The following ZNF568 variants were observed in gnomAD, a reference collection of about 807,000 sequenced individuals.
ZNF568 encodes the protein zinc finger protein 568.
In ZNF568, 11 loss-of-function variants were observed where a neutral mutation model predicts 18.1. That is an observed-to-expected ratio of 0.61 (90% CI 0.38 to 1.00). The LOEUF is 1.00. Among genes scored for constraint, ZNF568 ranks in the 50% least tolerant of loss-of-function variants. ZNF568 has a pLI of 0.01. For synonymous variants in ZNF568, 213 were observed against 246.6 expected (o/e 0.86, Z 1.28); for missense variants, 639 against 768.2 (o/e 0.83, Z 1.99).
intron 7 of ZNF568, among the ~76,000 whole-genome samples, chr19:36,975,106 C>T (rs1489441126): frequency 1.3e-5 from 2 of 150,638 alleles, no homozygotes; most frequent in East Asian, 2.0e-4. Context: ...GGATTACAGG[C>T]GAGAGCCATC....
In ZNF568 at chr19:36,950,462, A is replaced by G; in HGVS notation, c.1309A>G (p.Met437Val). Residue 437 changes from methionine (M) to valine (V), a missense_variant, in exon 7 of 7, where the codon ATG (methionine) becomes GTG (valine). Met to Val is a conservative substitution (Grantham distance 21). Coordinates refer to ENST00000333987, the MANE Select transcript of ZNF568 (RefSeq NM_198539.4). Reference protein sequence around the residue: ...FSQSSSLTVHMRNHTAEKPYE... With the variant: ...FSQSSSLTVHVRNHTAEKPYE... ...TCAGAGTTCATCCCTAACCGTACAT[A>G]TGCGAAATCATACAGCTGAGAAACC... The G allele has an allele frequency of 6.2e-7, 1 of 1,612,726 alleles. No homozygotes were observed. Among genetic ancestry groups the G allele is most frequent in the Non-Finnish European group, 8.5e-7 (1 of 1,179,282 alleles).
rs1405903911 is a variant in ZNF568 at position 36,939,539 on chromosome 19, T to C, written c.358+2297T>C. 1.4e-3 allele frequency among the ~76,000 whole-genome samples: 79 copies of C among 55,484 alleles called. 1 individual carries two copies. The highest frequency in any genetic ancestry group is 7.0e-3 in the East Asian group (29 of 4,126). The allele number at this position is 55,484 out of a possible 152,430, so 36.4% of individuals were successfully genotyped here. ...TGAAGATGTATTTTCTTTCTTTTTT[T>C]TTTTTTTTTTTTTTTTTTGAGACGG... On this transcript the variant is annotated intron_variant, in intron 6 of 6. Coordinates refer to ENST00000333987, the MANE Select transcript of ZNF568 (RefSeq NM_198539.4).
At chr19:36,928,797 A>G (rs1354123171) in intron 4 of ZNF568, among the ~76,000 whole-genome samples, 1 of 152,212 alleles carries the variant, frequency 6.6e-6, no homozygotes, top group African/African-American at 2.4e-5. Flanking sequence ...AATAAAATGT[A>G]TGTGGTGTAC....
chr19:36,972,703 C>G (rs1302571681), intron 6 of ZNF568, among the ~76,000 whole-genome samples: 1 of 152,210 alleles, frequency 6.6e-6, no homozygotes, highest in Admixed American at 6.5e-5. Context: ...CGGGAGTCGC[C>G]CTCTCCTGAT....
intron 3 of ZNF568, among the ~76,000 whole-genome samples, chr19:36,924,693 T>C (rs1176089972): frequency 6.6e-6 from 1 of 150,592 alleles, no homozygotes; most frequent in African/African-American, 2.4e-5. Context: ...TAGCCAGGCA[T>C]GGTGGTGGAT....
intron 6 of ZNF568, among the ~76,000 whole-genome samples, chr19:36,939,935 C>G (rs971906750): frequency 6.6e-6 from 1 of 152,150 alleles, no homozygotes; most frequent in African/African-American, 2.4e-5. Context: ...AGGAAGTCCT[C>G]TATGCTGTAT....
intron 4 of ZNF568, among the ~76,000 whole-genome samples, chr19:36,935,183 A>C (rs1478711206): frequency 6.8e-6 from 1 of 147,786 alleles, no homozygotes; most frequent in African/African-American, 2.5e-5. Flanking sequence ...TGTGTTCTAT[A>C]GGTGTCTGTT....
At chr19:36,997,512 ACAT>A (rs760656876), downstream of ZNF568, 19 of 1,587,922 alleles carry the variant, frequency 1.2e-5, no homozygotes, top group South Asian at 2.1e-4. Flanking sequence ...CAGAACTCAC[ACAT>A]CATGAGAGAA....
downstream of ZNF568, chr19:36,980,221 A>C (rs2074320344): frequency 6.6e-6 from 1 of 152,270 alleles, no homozygotes; most frequent in African/African-American, 2.4e-5. Flanking sequence ...AATGCCTTCA[A>C]ATTTAATGCT....
rs138419937 is a variant in ZNF568, at chr19:36,952,038, C to CTTT, written c.*965_*967dup. ...TGTCTATGACGTTGAGGCCAAGGAG[C>CTTT]TTTTTTTTTTTTTTTTTCAAGACAA... is the stretch of plus-strand genomic sequence containing the variant. On this transcript the variant is annotated 3_prime_UTR_variant, in exon 7 of 7. Transcript: ENST00000333987. 43,966 of 850,276 alleles carry CTTT rather than the reference C, an allele frequency of 0.052. 61 individuals carry two copies. The highest frequency in any genetic ancestry group is 0.056 in the Non-Finnish European group (40,815 of 731,056). 52.7% of individuals were successfully genotyped at this position (850,276 alleles called of 1,614,324 possible). A position where few individuals can be genotyped will look rare whatever the true frequency, so the allele number is the denominator to read the frequency against.
In ZNF568 at chr19:36,950,753, C is replaced by T; in HGVS notation, c.1600C>T (p.Gln534Ter). 1.2e-6 allele frequency: 2 copies of T among 1,613,356 alleles called. No homozygotes were observed. The highest frequency in any genetic ancestry group is 1.1e-5 in the South Asian group (1 of 91,026). Residue 534 changes from glutamine (Q) to a stop codon, truncating the protein, a stop_gained, in exon 7 of 7, where the codon CAA (glutamine) becomes TAA (stop). Coordinates refer to ENST00000333987, the MANE Select transcript of ZNF568 (RefSeq NM_198539.4). LOFTEE classifies it low-confidence loss of function (END_TRUNC). ...TGGAGAGAAACCTTATCATTGTAAT[C>T]AATGTGGGAAAGCTTTCAGTCAGAG... is the stretch of plus-strand genomic sequence containing the variant. ...HTGEKPYHCNQCGKAFSQRQN... is the reference protein window; with the variant it reads ...HTGEKPYHCN
intron 6 of ZNF568, among the ~76,000 whole-genome samples, chr19:36,947,156 C>T (rs886768584): frequency 6.6e-6 from 1 of 152,234 alleles, no homozygotes; most frequent in Non-Finnish European, 1.5e-5. Flanking sequence ...GCTGGGATTA[C>T]AGGCACGTAC....
Position 36,950,527 on chromosome 19 carries a change from A to G in ZNF568, c.1374A>G (p.Lys458=), listed in dbSNP as rs1341573611. 1 of 1,613,642 alleles carries G rather than the reference A, an allele frequency of 6.2e-7. No individual in the cohort carries two copies. The highest frequency in any genetic ancestry group is 1.1e-5 in the South Asian group (1 of 91,048). ...AATGTGGAAAAGCCTTCAGCAGGAA[A>G]GAAAATCTCATTACACATCAGAAAA... The part of the protein sequence containing the change: ...CKECGKAFSR[K]ENLITHQKIH... Residue 458 remains lysine (K), a synonymous_variant, in exon 7 of 7, where the codon AAA becomes AAG. Coordinates refer to ENST00000333987, the MANE Select transcript of ZNF568 (RefSeq NM_198539.4).
At chr19:36,969,005 G>A (rs573416269) in intron 6 of ZNF568, among the ~76,000 whole-genome samples, 169 of 152,028 alleles carry the variant, frequency 1.1e-3, no homozygotes, top group African/African-American at 4.0e-3. Context: ...ACAGGCACGT[G>A]CCACCATGCC....
At chr19:36,937,005 T>C in intron 5 of ZNF568, 133 bp downstream of exon 5, 1 of 1,346,774 alleles carries the variant, frequency 7.4e-7, no homozygotes, top group Non-Finnish European at 1.0e-6. Flanking sequence ...CACTCTTCAG[T>C]GTTAAAGGCT....
Position 36,945,210 on chromosome 19 carries a change from AGTGTGTGTGT to A in ZNF568, c.359-4269_359-4260del, listed in dbSNP as rs10616521. On this transcript the variant is annotated intron_variant, in intron 6 of 6. Coordinates refer to ENST00000333987, the MANE Select transcript of ZNF568 (RefSeq NM_198539.4). ...GGATGGGAAGAGAGACAGAGAGAGA[AGTGTGTGTGT>A]GTGTGTGTGTGTGTGTGTGTGTGTG... Among the ~76,000 whole-genome samples the A allele has an allele frequency of 1.3e-3, 191 of 141,954 alleles. 1 individual carries two copies. Among genetic ancestry groups the A allele is most frequent in the Non-Finnish European group, 2.0e-3 (130 of 65,756 alleles). 93.1% of individuals were successfully genotyped at this position (141,954 alleles called of 152,430 possible). A position where few individuals can be genotyped will look rare whatever the true frequency, so the allele number is the denominator to read the frequency against.
intron 2 of ZNF568, 45 bp downstream of exon 2, chr19:36,917,693 T>G (rs2073368876): frequency 6.6e-6 from 1 of 152,246 alleles, no homozygotes; most frequent in African/African-American, 2.4e-5. Context: ...TCATAAAAAA[T>G]GTTTTATTTT....
At chr19:36,946,334 A>T (rs915123652) in intron 6 of ZNF568, among the ~76,000 whole-genome samples, 2 of 152,108 alleles carry the variant, frequency 1.3e-5, no homozygotes, top group African/African-American at 2.4e-5. Context: ...TTTTTAGCTA[A>T]TTCAATTTCA....
rs745490360 is a variant in ZNF568, at chr19:36,922,796, G to C, written c.26G>C (p.Ser9Thr). 2 of 1,614,066 alleles carry C rather than the reference G, an allele frequency of 1.2e-6. No individual in the cohort carries two copies. The highest frequency in any genetic ancestry group is 8.5e-7 in the Non-Finnish European group (1 of 1,179,978). The change falls in exon 3 of 7, where the codon AGC becomes ACC. Residue 9 changes from serine (S) to threonine (T), a missense_variant. Ser to Thr is a moderately conservative substitution (Grantham distance 58). Transcript: ENST00000333987. MTSQSSVI[S>T]NSCVTMERLS... ...ATGACATCTCAATCTTCAGTGATCA[G>C]CAATAGCTGTGTGACAATGGAGCGT... is the stretch of plus-strand genomic sequence containing the variant.
Sources: allele counts gnomAD v4.1 joint callset (sites outside exome capture counted in the v4.1 genomes callset), GRCh38; gene constraint gnomAD v4.1.1; transcripts MANE v1.5; gene names NCBI Gene and HGNC (gene_info 2026-07-23, HGNC 2026-07-21).